Variants in LARP4B observed in about 807,000 individuals in gnomAD.
The protein encoded by LARP4B is La ribonucleoprotein 4B.
A neutral mutation model predicts 89.8 loss-of-function variants in LARP4B; 12 were observed. That is an observed-to-expected ratio of 0.13 (90% CI 0.09 to 0.22). The LOEUF is 0.22. Among genes scored for constraint, LARP4B ranks in the 10% least tolerant of loss-of-function variants. The pLI, the probability that LARP4B is intolerant of heterozygous loss-of-function variation, is 1.00. For missense variants in LARP4B, 757 were observed against 947.7 expected, an observed-to-expected ratio of 0.80 and a Z score of 2.64; for synonymous variants, 367 against 363.3, an observed-to-expected ratio of 1.01 and a Z score of -0.12.
chr10:851,830 T>C (rs1407086142), intron 5 of LARP4B, among the ~76,000 whole-genome samples: 1 of 152,090 alleles, frequency 6.6e-6, no homozygotes, highest in Non-Finnish European at 1.5e-5. Context: ...CTAGAGAGGC[T>C]GAGGTGAGCG....
intron 7 of LARP4B, 131 bp downstream of exon 7, chr10:842,801 G>T (rs953770646): frequency 2.6e-6 from 2 of 783,260 alleles, no homozygotes; most frequent in Non-Finnish European, 4.0e-6. Flanking sequence ...AGAAAGGAAC[G>T]GAAGGCCAGA....
At chr10:898,946 C>A (rs1277493573) in intron 1 of LARP4B, among the ~76,000 whole-genome samples, 3 of 152,194 alleles carry the variant, frequency 2.0e-5, no homozygotes, top group Non-Finnish European at 1.5e-5. Context: ...TCAATCCCTG[C>A]ATGTGGGTGA....
intron 3 of LARP4B, among the ~76,000 whole-genome samples, chr10:873,693 C>CA (rs1328624849): frequency 7.9e-5 from 12 of 151,934 alleles, no homozygotes; most frequent in African/African-American, 2.9e-4. Flanking sequence ...ACGAAAAAAT[C>CA]AAAGGAGAGC....
chr10:813,542 C>T (rs928780109), intron 17 of LARP4B, among the ~76,000 whole-genome samples: 1 of 152,204 alleles, frequency 6.6e-6, no homozygotes, highest in Non-Finnish European at 1.5e-5. Context: ...ACACTGGCTC[C>T]GCCAGCTCAG....
intron 1 of LARP4B, among the ~76,000 whole-genome samples, chr10:912,766 T>C (rs1407430373): frequency 6.6e-6 from 1 of 150,622 alleles, no homozygotes; most frequent in Non-Finnish European, 1.5e-5. Context: ...GGCGTGCGCC[T>C]GTGGTCCCAG....
At chr10:891,691 AAC>A (rs1836027148) in intron 1 of LARP4B, among the ~76,000 whole-genome samples, 2 of 152,240 alleles carry the variant, frequency 1.3e-5, no homozygotes, top group Admixed American at 1.3e-4. Flanking sequence ...GTCTCAGCAC[AAC>A]ACAGTGATCC....
the LARP4B span, among the ~76,000 whole-genome samples, chr10:965,903 G>A: frequency 6.6e-6 from 1 of 152,136 alleles, no homozygotes; most frequent in African/African-American, 2.4e-5. Flanking sequence ...CTTCCCGGCA[G>A]TGGCTTTGCT....
chr10:955,492 T>C, the LARP4B span, among the ~76,000 whole-genome samples: 2 of 152,226 alleles, frequency 1.3e-5, no homozygotes, highest in Admixed American at 1.3e-4. This position sits in a 1 kb window ranked among gnomAD's most constrained non-coding sequence, Gnocchi z 5.2. Flanking sequence ...TGCCAGTAAT[T>C]GATAAACCTC....
At chr10:922,257 G>C (rs1323789518) in intron 1 of LARP4B, among the ~76,000 whole-genome samples, 1 of 152,230 alleles carries the variant, frequency 6.6e-6, no homozygotes, top group African/African-American at 2.4e-5. Flanking sequence ...AGGAGGTGGA[G>C]CTCAGGCAGT....
At chr10:823,584 G>A (rs1832465720) in intron 13 of LARP4B, among the ~76,000 whole-genome samples, 1 of 151,332 alleles carries the variant, frequency 6.6e-6, no homozygotes, top group Non-Finnish European at 1.5e-5. Context: ...AGCACAGGAG[G>A]CTGAGGCCGG....
At chr10:857,423 C>T (rs1358757257) in intron 5 of LARP4B, among the ~76,000 whole-genome samples, 1 of 152,164 alleles carries the variant, frequency 6.6e-6, no homozygotes, top group East Asian at 1.9e-4. Flanking sequence ...CAACAGAAAC[C>T]TCTGCTGGCA....
the LARP4B span, among the ~76,000 whole-genome samples, chr10:967,812 T>C: frequency 6.6e-6 from 1 of 152,206 alleles, no homozygotes; most frequent in South Asian, 2.1e-4. Context: ...GCAATTCTCC[T>C]GCTTCAGCCT....
rs2131580640 is a variant in LARP4B at position 810,214 on chromosome 10, T to C, written c.*2712A>G. 6.6e-6 allele frequency: 1 copy of C among 152,278 alleles called. No individual in the cohort carries two copies. Among genetic ancestry groups the C allele is most frequent in the East Asian group, 1.9e-4 (1 of 5,186 alleles). 9.4% of individuals were successfully genotyped at this position (152,278 alleles called of 1,614,324 possible). On this transcript the variant is annotated 3_prime_UTR_variant, in exon 18 of 18. Coordinates refer to ENST00000316157, the MANE Select transcript of LARP4B (RefSeq NM_015155.3). ...AGTATGAAAGCCACTCTCATCGCTGTATGTGACACAGCACAGTTGGCATGG... is the reference window on the plus strand; with the variant it reads ...AGTATGAAAGCCACTCTCATCGCTGCATGTGACACAGCACAGTTGGCATGG...
intron 1 of LARP4B, among the ~76,000 whole-genome samples, chr10:886,376 C>T (rs1286639089): frequency 6.6e-6 from 1 of 152,096 alleles, no homozygotes; most frequent in Admixed American, 6.5e-5. Context: ...TAAATTGGTG[C>T]GGCCATTATG....
At chr10:872,932 T>C (rs965658795) in intron 3 of LARP4B, 1 of 684,732 alleles carries the variant, frequency 1.5e-6, no homozygotes, top group Non-Finnish European at 1.8e-6. Flanking sequence ...GCCCAGACCC[T>C]GCGAAAATCC....
chr10:936,527 C>T (rs1204368976), upstream of LARP4B, among the ~76,000 whole-genome samples: 1 of 152,156 alleles, frequency 6.6e-6, no homozygotes, highest in Non-Finnish European at 1.5e-5. Flanking sequence ...CGAGACCAGC[C>T]TGGCCAACAT....
chr10:830,563 T>G (rs1197554986), intron 9 of LARP4B, among the ~76,000 whole-genome samples: 1 of 152,034 alleles, frequency 6.6e-6, no homozygotes, highest in African/African-American at 2.4e-5. Context: ...GGTTCAAATT[T>G]CCCCCCAAAC....
chr10:911,394 TG>T (rs770418191), intron 1 of LARP4B, among the ~76,000 whole-genome samples: 2 of 152,242 alleles, frequency 1.3e-5, no homozygotes, highest in African/African-American at 2.4e-5. Context: ...TTTTGGATCC[TG>T]TTTCTGGGAA....
At chr10:865,482 G>A (rs1477666465) in intron 3 of LARP4B, among the ~76,000 whole-genome samples, 4 of 152,132 alleles carry the variant, frequency 2.6e-5, no homozygotes, top group African/African-American at 9.7e-5. Context: ...ACTGCTCCCT[G>A]GCCTTGTCCA....
Sources: allele counts gnomAD v4.1 joint callset (sites outside exome capture counted in the v4.1 genomes callset), GRCh38; gene constraint gnomAD v4.1.1; non-coding constraint Gnocchi (gnomAD v3.1); transcripts MANE v1.5; gene names NCBI Gene and HGNC (gene_info 2026-07-23, HGNC 2026-07-21).